The following SCFD2 variants were observed in gnomAD, a reference collection of about 807,000 sequenced individuals.
SCFD2 encodes the protein sec1 family domain-containing protein 2.
In SCFD2, 54 loss-of-function variants were observed where a neutral mutation model predicts 58.9. That is an observed-to-expected ratio of 0.92 (90% CI 0.74 to 1.15). The LOEUF (loss-of-function observed/expected upper bound fraction) is 1.15, where lower values mean the gene tolerates loss of function less well. SCFD2 is among the 50% of genes most tolerant of loss of function. The pLI is 0.00. For missense variants in SCFD2, 805 were observed against 836.6 expected (o/e 0.96, Z 0.47); for synonymous variants, 321 against 335.9 (o/e 0.96, Z 0.49).
At chr4:53,012,526 C>A (rs1158613762) in intron 5 of SCFD2, among the ~76,000 whole-genome samples, 1 of 152,050 alleles carries the variant, frequency 6.6e-6, no homozygotes, top group Non-Finnish European at 1.5e-5. Flanking sequence ...ACTCTCATGG[C>A]CTGTTTGAAA....
intron 4 of SCFD2, among the ~76,000 whole-genome samples, chr4:53,166,086 G>T (rs1465938004): frequency 6.6e-6 from 1 of 152,156 alleles, no homozygotes; most frequent in African/African-American, 2.4e-5. Flanking sequence ...CATCCATGTT[G>T]TAGCATGTGT....
At chr4:53,129,976 T>C (rs972631725) in intron 5 of SCFD2, among the ~76,000 whole-genome samples, 1 of 152,204 alleles carries the variant, frequency 6.6e-6, no homozygotes, top group African/African-American at 2.4e-5. Context: ...AGTGGGTTTA[T>C]AAATTAGTTT....
chr4:52,981,122 C>T (rs1721367515), intron 5 of SCFD2, among the ~76,000 whole-genome samples: 1 of 152,180 alleles, frequency 6.6e-6, no homozygotes, highest in African/African-American at 2.4e-5. Context: ...TGGAACAATT[C>T]TAGTTTGGAT....
chr4:53,089,279 A>G (rs1724404625), intron 5 of SCFD2, among the ~76,000 whole-genome samples: 1 of 152,156 alleles, frequency 6.6e-6, no homozygotes, highest in South Asian at 2.1e-4. Context: ...TCTATTCTGA[A>G]TACTAGACTG....
At chr4:53,215,559 G>T (rs2148987402) in intron 4 of SCFD2, among the ~76,000 whole-genome samples, 1 of 152,226 alleles carries the variant, frequency 6.6e-6, no homozygotes, top group East Asian at 1.9e-4. Context: ...AGATGATGGG[G>T]TTTTCTAGAT....
At chr4:52,895,159 T>G (rs572865867) in intron 7 of SCFD2, among the ~76,000 whole-genome samples, 1 of 152,166 alleles carries the variant, frequency 6.6e-6, no homozygotes, top group Non-Finnish European at 1.5e-5. Flanking sequence ...TTTCTGCTCC[T>G]CATGCTCTTG....
chr4:53,175,921 A>C (rs1727314633), intron 4 of SCFD2, among the ~76,000 whole-genome samples: 1 of 152,212 alleles, frequency 6.6e-6, no homozygotes, highest in African/African-American at 2.4e-5. Flanking sequence ...ATTATTCATT[A>C]AGGCTCTAAA....
intron 4 of SCFD2, among the ~76,000 whole-genome samples, chr4:53,254,950 G>T (rs1210127321): frequency 6.7e-6 from 1 of 150,016 alleles, no homozygotes; most frequent in Non-Finnish European, 1.5e-5. Flanking sequence ...TTGGCTCACT[G>T]CAAGCTCCGC....
At chr4:53,242,546 G>C (rs1729932275) in intron 4 of SCFD2, among the ~76,000 whole-genome samples, 1 of 152,196 alleles carries the variant, frequency 6.6e-6, no homozygotes, top group Admixed American at 6.5e-5. Flanking sequence ...ACCAGTGCAA[G>C]AACTCTGACC....
intron 5 of SCFD2, among the ~76,000 whole-genome samples, chr4:53,129,254 AAAACG>A (rs1031008463): frequency 4.0e-5 from 5 of 123,762 alleles, no homozygotes; most frequent in South Asian, 2.7e-4. Context: ...AAAACAAAAC[AAAACG>A]AACAGAAAAA....
chr4:53,061,222 T>C (rs1434163614), intron 5 of SCFD2, among the ~76,000 whole-genome samples: 1 of 152,174 alleles, frequency 6.6e-6, no homozygotes, highest in Non-Finnish European at 1.5e-5. Flanking sequence ...ATTGAACTTA[T>C]ATTTTGGCAT....
chr4:53,335,352 G>A (rs1733650707), intron 2 of SCFD2, among the ~76,000 whole-genome samples: 1 of 152,078 alleles, frequency 6.6e-6, no homozygotes, highest in Non-Finnish European at 1.5e-5. Flanking sequence ...TTACTGGTCT[G>A]TATTCTTCAA....
At chr4:53,090,784 G>T (rs1161806531) in intron 5 of SCFD2, among the ~76,000 whole-genome samples, 2 of 152,266 alleles carry the variant, frequency 1.3e-5, no homozygotes, top group South Asian at 2.1e-4. Context: ...ATGGAGCACT[G>T]AAGTGTGCCA....
At chr4:53,084,736 G>C (rs1174462532) in intron 5 of SCFD2, among the ~76,000 whole-genome samples, 2 of 152,140 alleles carry the variant, frequency 1.3e-5, no homozygotes, top group African/African-American at 4.8e-5. Context: ...GGATGGTTCA[G>C]CTTATGCAAA....
intron 5 of SCFD2, among the ~76,000 whole-genome samples, chr4:52,980,808 C>A (rs924101449): frequency 6.6e-6 from 1 of 152,152 alleles, no homozygotes. Flanking sequence ...CACTTTGTTA[C>A]CCCAAAGCAC....
intron 5 of SCFD2, among the ~76,000 whole-genome samples, chr4:53,003,091 C>A (rs1721900075): frequency 6.6e-6 from 1 of 152,212 alleles, no homozygotes; most frequent in Non-Finnish European, 1.5e-5. Flanking sequence ...TCCCATTGGG[C>A]CCCACCACCA....
At chr4:53,223,556 T>C (rs533769703) in intron 4 of SCFD2, among the ~76,000 whole-genome samples, 18 of 152,376 alleles carry the variant, frequency 1.2e-4, no homozygotes, top group African/African-American at 4.3e-4. Flanking sequence ...CAGTTCCCAT[T>C]GTCTTGCATG....
At chr4:53,113,434 C>T (rs1484572746) in intron 5 of SCFD2, among the ~76,000 whole-genome samples, 1 of 152,104 alleles carries the variant, frequency 6.6e-6, no homozygotes, top group Non-Finnish European at 1.5e-5. Context: ...GAGAACAGAA[C>T]TCTCAGCCTA....
At chr4:53,068,530 A>G (rs1723726020) in intron 5 of SCFD2, among the ~76,000 whole-genome samples, 2 of 152,204 alleles carry the variant, frequency 1.3e-5, no homozygotes, top group African/African-American at 4.8e-5. Flanking sequence ...CATACCTTTC[A>G]ATACTTTTTC....
Sources: gnomAD v4.1 joint callset for allele counts (sites outside exome capture counted in the v4.1 genomes callset) on GRCh38, gnomAD v4.1.1 for gene constraint, MANE v1.5 for transcripts, NCBI Gene and HGNC (gene_info 2026-07-23, HGNC 2026-07-21) for gene names.